LPIN1: variants seen among roughly 807,000 people sequenced by gnomAD.
LPIN1 encodes lipin 1.
Under a neutral mutation model 107.5 loss-of-function variants are expected in LPIN1, and 71 were observed. The ratio of observed to expected loss-of-function variants is 0.66; its 90% CI spans 0.55 to 0.80. The LOEUF is 0.80. Among genes scored for constraint, LPIN1 ranks in the 30% least tolerant of loss-of-function variants. The probability of loss-of-function intolerance (pLI) is 0.00; values close to 1 mark genes in which losing one functional copy is unlikely to be tolerated. For missense variants in LPIN1, 1,043 were observed against 1,160.6 expected, an observed-to-expected ratio of 0.90 and a Z score of 1.47; for synonymous variants, 445 against 452.6, an observed-to-expected ratio of 0.98 and a Z score of 0.21.
chr2:11,798,416 T>G (rs140177615), intron 14 of LPIN1, among the ~76,000 whole-genome samples: 1 of 152,276 alleles, frequency 6.6e-6, no homozygotes, highest in Non-Finnish European at 1.5e-5. Context: ...CTTCTAGACA[T>G]AGCAGGCAGG....
chr2:11,680,017 A>C (rs1415024630), intron 1 of LPIN1, among the ~76,000 whole-genome samples: 1 of 152,146 alleles, frequency 6.6e-6, no homozygotes, highest in Non-Finnish European at 1.5e-5. Flanking sequence ...TAGTCCTTGG[A>C]TGGCAGGGAG....
chr2:11,765,673 A>T lies in LPIN1; in HGVS notation c.132A>T (p.Gln44His). The change falls in exon 2 of 21, where the codon CAA becomes CAT. Residue 44 changes from glutamine to histidine, a missense_variant. Coordinates refer to ENST00000674199, the MANE Select transcript of LPIN1 (RefSeq NM_001349206.2). This position sits in a 1 kb window ranked among gnomAD's most constrained non-coding sequence, Gnocchi z 4.4. Reference sequence around the variant, plus strand: ...TCCGCCAGCCCAATGGAAACCTCCAATGCTCCCCTTTCCACGTCCGCTTTG... The same window carrying T: ...TCCGCCAGCCCAATGGAAACCTCCATTGCTCCCCTTTCCACGTCCGCTTTG... ...IVIRQPNGNL[Q>H]CSPFHVRFGK... 1.2e-6 allele frequency: 2 copies of T among 1,613,992 alleles called. No homozygotes were observed. The highest frequency in any genetic ancestry group is 8.5e-7 in the Non-Finnish European group (1 of 1,179,886).
At chr2:11,746,391 C>T (rs907579905), upstream of LPIN1, among the ~76,000 whole-genome samples, 1 of 152,172 alleles carries the variant, frequency 6.6e-6, no homozygotes, top group African/African-American at 2.4e-5. Flanking sequence ...AAGAAACACA[C>T]GAGTTTGGCT....
intron 14 of LPIN1, among the ~76,000 whole-genome samples, chr2:11,800,699 G>A (rs1381936233): frequency 1.1e-4 from 17 of 152,188 alleles, no homozygotes; most frequent in African/African-American, 4.1e-4. Flanking sequence ...GGCAGGGGCG[G>A]GGGAAACAGG....
chr2:11,756,903 T>G (rs898765878), intron 1 of LPIN1, among the ~76,000 whole-genome samples: 3 of 152,218 alleles, frequency 2.0e-5, no homozygotes, highest in African/African-American at 7.2e-5. Context: ...AAATTTGTAT[T>G]ATTTCAGAAG....
chr2:11,702,413 C>G (rs1344568046), intron 1 of LPIN1, among the ~76,000 whole-genome samples: 1 of 152,134 alleles, frequency 6.6e-6, no homozygotes, highest in African/African-American at 2.4e-5. Flanking sequence ...GGTCTGGGCT[C>G]TGGACTGGTT....
At chr2:11,733,966 C>T (rs1665532200) in intron 1 of LPIN1, among the ~76,000 whole-genome samples, 1 of 152,240 alleles carries the variant, frequency 6.6e-6, no homozygotes, top group Admixed American at 6.5e-5. Context: ...TTGACAAAGT[C>T]ACACAGCTAG....
intron 1 of LPIN1, among the ~76,000 whole-genome samples, chr2:11,711,956 A>G (rs147753308): frequency 1.3e-5 from 2 of 152,144 alleles, no homozygotes; most frequent in Admixed American, 6.5e-5. Context: ...CCATTTGACC[A>G]TAGCCATTTC....
chr2:11,743,415 C>G (rs1480434939), upstream of LPIN1, among the ~76,000 whole-genome samples: 2 of 152,208 alleles, frequency 1.3e-5, no homozygotes, highest in African/African-American at 4.8e-5. This position sits in a 1 kb window ranked among gnomAD's most constrained non-coding sequence, Gnocchi z 4.7. Flanking sequence ...TGAAACTTCC[C>G]TGCTCAGCCA....
chr2:11,805,040 C>A (rs747949582), intron 16 of LPIN1, 30 bp from the exon 17 acceptor site: 16 of 1,287,548 alleles, frequency 1.2e-5, no homozygotes, highest in African/African-American at 1.5e-5. Flanking sequence ...GGGATTTTTA[C>A]TTTATTTTTC....
chr2:11,824,213 G>A (rs548087542), intron 20 of LPIN1, among the ~76,000 whole-genome samples: 2 of 151,976 alleles, frequency 1.3e-5, no homozygotes, highest in East Asian at 3.9e-4. Flanking sequence ...CCAGGACCCA[G>A]CTCCTTTTCA....
At chr2:11,789,203 A>C (rs1675208333) in intron 12 of LPIN1, among the ~76,000 whole-genome samples, 1 of 152,228 alleles carries the variant, frequency 6.6e-6, no homozygotes, top group African/African-American at 2.4e-5. Context: ...AGCCAGTTCA[A>C]ACACTTGAGA....
At chr2:11,815,275 G>A (rs760137854) in intron 18 of LPIN1, 35 bp downstream of exon 18, 14 of 1,612,770 alleles carry the variant, frequency 8.7e-6, no homozygotes, top group Non-Finnish European at 1.1e-5. Context: ...CCATCTGTGA[G>A]CCTGTTCAGA....
chr2:11,800,595 C>G (rs1677535417), intron 14 of LPIN1, among the ~76,000 whole-genome samples: 1 of 152,044 alleles, frequency 6.6e-6, no homozygotes, highest in African/African-American at 2.4e-5. Context: ...TTTGTAGAGA[C>G]AGGTTTTGCC....
intron 14 of LPIN1, among the ~76,000 whole-genome samples, chr2:11,796,034 G>A (rs999342932): frequency 1.3e-5 from 2 of 152,198 alleles, no homozygotes; most frequent in African/African-American, 4.8e-5. Flanking sequence ...GGGATTGGAG[G>A]TGACTCTGAG....
At chr2:11,724,551 C>T (rs900807980) in intron 1 of LPIN1, 1 of 985,494 alleles carries the variant, frequency 1.0e-6, no homozygotes, top group Admixed American at 6.2e-5. Flanking sequence ...TTCGCATGAG[C>T]AGGGGCCTTT....
intron 18 of LPIN1, chr2:11,817,484 C>CA (rs1281905625): frequency 1.3e-5 from 2 of 152,214 alleles, no homozygotes; most frequent in African/African-American, 4.8e-5. Context: ...GGCATGAAGA[C>CA]AGTCCTCCTG....
At chr2:11,713,635 A>C (rs2148526142) in intron 1 of LPIN1, 2 of 607,572 alleles carry the variant, frequency 3.3e-6, no homozygotes, top group Middle Eastern at 8.7e-4. Flanking sequence ...CACCGAATTC[A>C]CCATGTTCAA....
At chr2:11,701,026 C>T (rs1662845240) in intron 1 of LPIN1, among the ~76,000 whole-genome samples, 1 of 152,214 alleles carries the variant, frequency 6.6e-6, no homozygotes, top group Non-Finnish European at 1.5e-5. Context: ...CTTGGCCCTG[C>T]TCCCCCTCAC....
Sources: gnomAD v4.1 joint callset for allele counts (sites outside exome capture counted in the v4.1 genomes callset) on GRCh38, gnomAD v4.1.1 for gene constraint, Gnocchi (gnomAD v3.1) non-coding constraint, MANE v1.5 for transcripts, NCBI Gene and HGNC (gene_info 2026-07-23, HGNC 2026-07-21) for gene names.